NOL10: variants seen among roughly 807,000 people sequenced by gnomAD.
The protein encoded by NOL10 is H_NH0074G24.1.
In NOL10, 58 loss-of-function variants were observed where a neutral mutation model predicts 103.5. That is an observed-to-expected ratio of 0.56 (90% CI 0.45 to 0.70). The LOEUF (loss-of-function observed/expected upper bound fraction) is 0.70, where lower values mean the gene tolerates loss of function less well. Ranked by LOEUF, NOL10 falls within the 30% of genes least tolerant of loss-of-function variation. NOL10 has a pLI of 0.00. For missense variants in NOL10, 763 were observed against 807.3 expected, an observed-to-expected ratio of 0.95 and a Z score of 0.67; for synonymous variants, 287 against 282.5, an observed-to-expected ratio of 1.02 and a Z score of -0.16.
intron 1 of NOL10, 130 bp downstream of exon 1, chr2:10,689,666 G>C: frequency 1.1e-6 from 1 of 889,104 alleles, no homozygotes; most frequent in South Asian, 1.6e-5. Flanking sequence ...GCCGCCTCTG[G>C]GCCTCCCCGA....
At chr2:10,677,136 A>G (rs1465049527) in intron 3 of NOL10, among the ~76,000 whole-genome samples, 1 of 151,850 alleles carries the variant, frequency 6.6e-6, no homozygotes, top group African/African-American at 2.4e-5. Context: ...ATGGGGTTTC[A>G]CCATGTTGGC....
chr2:10,603,008 A>G (rs1334728777), intron 15 of NOL10, 70 bp downstream of exon 15: 1 of 1,307,280 alleles, frequency 7.6e-7, no homozygotes, highest in Non-Finnish European at 1.1e-6. Flanking sequence ...TGAAAGTGCG[A>G]GTAGTGAGGA....
At chr2:10,636,446 A>AAC (rs1678231550) in intron 13 of NOL10, among the ~76,000 whole-genome samples, 1 of 131,324 alleles carries the variant, frequency 7.6e-6, no homozygotes, top group Non-Finnish European at 1.7e-5. Context: ...AAAAAAAAAA[A>AAC]CACCAAACAA....
Position 10,587,277 on chromosome 2 carries a change from T to TA in NOL10, c.1844+1765_1844+1766insT, listed in dbSNP as rs1558271041. Among the ~76,000 whole-genome samples the TA allele has an allele frequency of 3.0e-4, 12 of 40,054 alleles. 1 individual carries two copies. Among genetic ancestry groups the TA allele is most frequent in the East Asian group, 9.7e-4 (2 of 2,072 alleles). The allele number at this position is 40,054 out of a possible 152,430, so 26.3% of individuals were successfully genotyped here. A position where few individuals can be genotyped will look rare whatever the true frequency, so the allele number is the denominator to read the frequency against. On this transcript the variant is annotated intron_variant, in intron 19 of 20. Transcript: ENST00000381685. ...TATATACACATATATATATATATAT[T>TA]TTTTTTTTTTTTGAGATGGAGTCTA...
At chr2:10,616,291 C>T (rs982911311) in intron 13 of NOL10, among the ~76,000 whole-genome samples, 1 of 137,142 alleles carries the variant, frequency 7.3e-6, no homozygotes, top group Non-Finnish European at 1.5e-5. Context: ...TGCAGTGGTG[C>T]GATCTCGGCT....
intron 4 of NOL10, among the ~76,000 whole-genome samples, chr2:10,674,481 T>C (rs543561112): frequency 8.5e-4 from 129 of 152,150 alleles, no homozygotes; most frequent in Non-Finnish European, 1.5e-3. Flanking sequence ...TGATAAGACA[T>C]TGCTCCCATG....
chr2:10,579,530 C>G (rs926599144), intron 19 of NOL10, among the ~76,000 whole-genome samples: 2 of 150,180 alleles, frequency 1.3e-5, no homozygotes, highest in Non-Finnish European at 3.0e-5. Flanking sequence ...TTCCACATGA[C>G]AAACGGAATG....
chr2:10,609,675 G>A (rs1312563640), intron 13 of NOL10, among the ~76,000 whole-genome samples: 3 of 152,176 alleles, frequency 2.0e-5, no homozygotes, highest in African/African-American at 2.4e-5. Flanking sequence ...TTCTGAAGCC[G>A]AGAGAGTTGA....
chr2:10,655,936 A>G (rs1679820556), intron 11 of NOL10, among the ~76,000 whole-genome samples: 1 of 152,222 alleles, frequency 6.6e-6, no homozygotes, highest in Non-Finnish European at 1.5e-5. Context: ...GTTCTTCTCA[A>G]GTTCCCACTG....
chr2:10,669,895 AATAATAATAATAATAATG>A (rs1443581364), intron 6 of NOL10, among the ~76,000 whole-genome samples: 1 of 146,006 alleles, frequency 6.8e-6, no homozygotes, highest in East Asian at 1.9e-4. Context: ...CATCTCAAAT[AATAATAATAATAATAATG>A]ATAATAATAA....
At chr2:10,689,434 G>A (rs1682457022) in intron 1 of NOL10, among the ~76,000 whole-genome samples, 2 of 152,276 alleles carry the variant, frequency 1.3e-5, no homozygotes, top group South Asian at 2.1e-4. Context: ...TGGCCATATG[G>A]GGGAGAGATG....
intron 13 of NOL10, among the ~76,000 whole-genome samples, chr2:10,628,812 C>T (rs1328774463): frequency 2.0e-5 from 3 of 152,200 alleles, no homozygotes; most frequent in Non-Finnish European, 4.4e-5. Context: ...TTCAAACAGT[C>T]TTCCTCATCT....
At chr2:10,604,182 C>T (rs1365155316) in intron 14 of NOL10, among the ~76,000 whole-genome samples, 2 of 152,188 alleles carry the variant, frequency 1.3e-5, no homozygotes, top group African/African-American at 2.4e-5. Context: ...ACTTACCACT[C>T]GCCTCCTGCT....
In NOL10 at chr2:10,589,718, T is replaced by A; in HGVS notation, c.1456A>T (p.Lys486Ter). The change falls in exon 18 of 21, where the codon AAA becomes TAA. Residue 486 changes from lysine to a stop codon, truncating the protein, a stop_gained. Transcript: ENST00000381685. LOFTEE classifies it high-confidence loss of function. ...AAGTCAGGGTTCTCAAACATAACTT[T>A]AAATCGATCATCGGTGAGAATATTA... ...LPNILTDDRFKVMFENPDFQV... is the reference protein window; with the variant it reads ...LPNILTDDRF 1 of 1,567,370 alleles carries A rather than the reference T, an allele frequency of 6.4e-7. No homozygotes were observed. Among genetic ancestry groups the A allele is most frequent in the Non-Finnish European group, 8.6e-7 (1 of 1,159,576 alleles).
chr2:10,610,967 A>C (rs1476840547), intron 13 of NOL10, among the ~76,000 whole-genome samples: 4 of 152,164 alleles, frequency 2.6e-5, no homozygotes, highest in African/African-American at 9.7e-5. Context: ...GTCAATTTAT[A>C]AGACTTTCTT....
At position 10,671,626 on chromosome 2, in the gene NOL10, G is replaced by C. The variant is rs1457147585; in HGVS notation, c.392C>G (p.Thr131Ser). ...ATCTCTCCCAAACTTTGGTATTCTG[G>C]TTTTGTAGTAAAAACCTGATTGCGA... ...FHSQSGFYYK[T>S]RIPKFGRDFS... Residue 131 changes from threonine (T) to serine (S), a missense_variant, in exon 6 of 21, where the codon ACC (threonine) becomes AGC (serine). Transcript: ENST00000381685. 1.3e-6 allele frequency: 2 copies of C among 1,595,152 alleles called. No individual in the cohort carries two copies. Among genetic ancestry groups the C allele is most frequent in the Non-Finnish European group, 1.7e-6 (2 of 1,169,834 alleles).
At chr2:10,587,751 T>C (rs1025655162) in intron 19 of NOL10, among the ~76,000 whole-genome samples, 4 of 152,186 alleles carry the variant, frequency 2.6e-5, no homozygotes, top group African/African-American at 9.7e-5. Flanking sequence ...TTGCAGATAT[T>C]TGCTAGAAGC....
chr2:10,579,484 A>G (rs1172651365), intron 19 of NOL10, among the ~76,000 whole-genome samples: 1 of 152,100 alleles, frequency 6.6e-6, no homozygotes, highest in Non-Finnish European at 1.5e-5. Flanking sequence ...AGTTTTGTTC[A>G]GGAAACTTGT....
intron 3 of NOL10, among the ~76,000 whole-genome samples, chr2:10,680,852 C>G (rs1382332677): frequency 6.6e-6 from 1 of 152,162 alleles, no homozygotes; most frequent in African/African-American, 2.4e-5. Context: ...TGATACTGTT[C>G]AACACTCCAA....
Sources: allele counts gnomAD v4.1 joint callset (sites outside exome capture counted in the v4.1 genomes callset), GRCh38; gene constraint gnomAD v4.1.1; transcripts MANE v1.5; gene names NCBI Gene and HGNC (gene_info 2026-07-23, HGNC 2026-07-21).